LYRM9: variants seen among roughly 807,000 people sequenced by gnomAD.
The protein encoded by LYRM9 is LYR motif-containing protein 9.
A neutral mutation model predicts 12.6 loss-of-function variants in LYRM9; 14 were observed. The observed-to-expected ratio is 1.11, with a 90% CI of 0.73 to 1.73. The LOEUF (loss-of-function observed/expected upper bound fraction) is 1.73. Among genes scored for constraint, LYRM9 ranks in the 40% most tolerant of loss-of-function variants. The pLI, the probability that LYRM9 is intolerant of heterozygous loss-of-function variation, is 0.00. For missense variants in LYRM9, 94 were observed against 95.0 expected, an observed-to-expected ratio of 0.99 and a Z score of 0.04; for synonymous variants, 42 against 35.1, an observed-to-expected ratio of 1.20 and a Z score of -0.69.
chr17:27,879,765 G>T, intron 3 of LYRM9: 1 of 542,544 alleles, frequency 1.8e-6, no homozygotes, highest in Non-Finnish European at 3.3e-6. Flanking sequence ...AGGGAGGTAT[G>T]GTCACACTCC....
chr17:27,882,447 C>G, intron 2 of LYRM9, 122 bp downstream of exon 2: 1 of 1,331,798 alleles, frequency 7.5e-7, no homozygotes, highest in East Asian at 2.6e-5. Context: ...TGTGGCTCTT[C>G]CCACACTGCC....
chr17:27,885,757 C>T (rs971714078), intron 1 of LYRM9, among the ~76,000 whole-genome samples: 2 of 150,744 alleles, frequency 1.3e-5, no homozygotes, highest in African/African-American at 4.9e-5. Context: ...AACCATCTAC[C>T]TGAAGGAAGT....
At chr17:27,881,426 C>T (rs1267703134) in intron 2 of LYRM9, among the ~76,000 whole-genome samples, 2 of 151,022 alleles carry the variant, frequency 1.3e-5, no homozygotes, top group Admixed American at 6.6e-5. Context: ...CTGTGGCTAC[C>T]GCCACCTCTG....
chr17:27,882,662 C>A lies in LYRM9; in HGVS notation c.33G>T (p.Arg11=). The A allele has an allele frequency of 6.2e-7, 1 of 1,604,644 alleles. No homozygotes were observed. The highest frequency in any genetic ancestry group is 8.5e-7 in the Non-Finnish European group (1 of 1,175,876). MAPLPGAELV[R]RPLQLYRYLL... ...AGTATCGGTAGAGCTGCAGTGGCCT[C>A]CGAACCAGTTCTGCTCCTGGCAGCG... Residue 11 remains arginine, a synonymous_variant, in exon 2 of 4, where the codon CGG becomes CGT. Coordinates refer to ENST00000379102, the MANE Select transcript of LYRM9 (RefSeq NM_001076680.3).
intron 1 of LYRM9, among the ~76,000 whole-genome samples, chr17:27,887,711 A>AGGG (rs199628365): frequency 9.9e-5 from 10 of 100,918 alleles, no homozygotes; most frequent in African/African-American, 2.2e-4. Context: ...TATAGGAGGG[A>AGGG]GGGTGTGTGT....
chr17:27,889,514 G>T (rs1905354771), intron 1 of LYRM9, among the ~76,000 whole-genome samples: 1 of 151,954 alleles, frequency 6.6e-6, no homozygotes, highest in Non-Finnish European at 1.5e-5. Flanking sequence ...CGCCATGTCG[G>T]CCAGTCTCAA....
At chr17:27,890,700 G>A (rs200017198) in intron 1 of LYRM9, among the ~76,000 whole-genome samples, 8 of 152,084 alleles carry the variant, frequency 5.3e-5, no homozygotes, top group East Asian at 3.9e-4. Context: ...AAAAAAAGAC[G>A]AAAGAATGGA....
chr17:27,883,908 A>G (rs1905151808), intron 1 of LYRM9, among the ~76,000 whole-genome samples: 1 of 147,896 alleles, frequency 6.8e-6, no homozygotes, highest in African/African-American at 2.5e-5. Flanking sequence ...AATGAACTTC[A>G]TATACTTAAA....
chr17:27,880,118 C>T lies in LYRM9; in HGVS notation c.219+156G>A, dbSNP rs1904995248. ...AATGCAACCAGAAGGGATTTGTCTT[C>T]ACCTTTCAGCTTCTGGAGGAGGGAA... On this transcript the variant is annotated intron_variant, in intron 3 of 3. Transcript: ENST00000379102. 4.2e-6 allele frequency: 3 copies of T among 716,440 alleles called. No individual in the cohort carries two copies. The South Asian group carries it at 4.4e-5, about 11-fold the overall frequency. The allele number at this position is 716,440 out of a possible 1,614,324, so 44.4% of individuals were successfully genotyped here.
chr17:27,880,107 G>A, intron 3 of LYRM9, 167 bp downstream of exon 3: 1 of 709,746 alleles, frequency 1.4e-6, no homozygotes, highest in Non-Finnish European at 2.6e-6. Flanking sequence ...CAACCAGAAG[G>A]GATTTGTCTT....
chr17:27,882,847 G>A, intron 1 of LYRM9, 135 bp from the exon 2 acceptor site: 6 of 996,228 alleles, frequency 6.0e-6, no homozygotes, highest in Admixed American at 2.3e-5. Context: ...CATGGAGCCT[G>A]CACCTTGGGG....
At chr17:27,890,449 AG>A (rs1905398287) in intron 1 of LYRM9, among the ~76,000 whole-genome samples, 1 of 152,242 alleles carries the variant, frequency 6.6e-6, no homozygotes, top group Non-Finnish European at 1.5e-5. Context: ...ACACAGATAA[AG>A]GAAAGGAGCA....
chr17:27,880,518 AGAT>A (rs1905015216), intron 2 of LYRM9, 152 bp from the exon 3 acceptor site: 1 of 613,754 alleles, frequency 1.6e-6, no homozygotes, highest in Non-Finnish European at 2.9e-6. Context: ...TCCCACACAG[AGAT>A]GAGGAAACAG....
chr17:27,882,399 T>C (rs952655162), intron 2 of LYRM9, among the ~76,000 whole-genome samples, 170 bp downstream of exon 2: 15 of 152,198 alleles, frequency 9.9e-5, no homozygotes, highest in African/African-American at 3.6e-4. Context: ...CTCTGTTTCC[T>C]GGACAGAGAG....
intron 1 of LYRM9, chr17:27,892,944 G>A (rs1486710044): frequency 6.5e-6 from 1 of 152,726 alleles, no homozygotes; most frequent in African/African-American, 2.4e-5. Context: ...CGGGTGCCGC[G>A]GGCAGAGGGA....
At position 27,886,835 on chromosome 17, in the gene LYRM9, G is replaced by A. The variant is rs549361016; in HGVS notation, c.-18-4123C>T. On this transcript the variant is annotated intron_variant, in intron 1 of 3. Transcript: ENST00000379102. This position sits in a 1 kb window ranked among gnomAD's most constrained non-coding sequence, Gnocchi z 4.8. Reference sequence around the variant, plus strand: ...TAATTTTCGTATTTTTAGTAGAGATGGGGTTTCTCCCTGTTGGTCAGGCTG... The same window carrying A: ...TAATTTTCGTATTTTTAGTAGAGATAGGGTTTCTCCCTGTTGGTCAGGCTG... Among the ~76,000 whole-genome samples the A allele has an allele frequency of 6.6e-6, 1 of 151,912 alleles. No individual in the cohort carries two copies. Among genetic ancestry groups the A allele is most frequent in the Admixed American group, 6.6e-5 (1 of 15,238 alleles).
chr17:27,888,369 GTATCCA>G (rs1905306266), intron 1 of LYRM9, among the ~76,000 whole-genome samples: 2 of 152,290 alleles, frequency 1.3e-5, no homozygotes, highest in South Asian at 4.1e-4. Flanking sequence ...TGCTGGAAGG[GTATCCA>G]CCTGCCCTCA....
At chr17:27,888,841 C>T (rs958432420) in intron 1 of LYRM9, among the ~76,000 whole-genome samples, 2 of 152,186 alleles carry the variant, frequency 1.3e-5, no homozygotes, top group African/African-American at 2.4e-5. Context: ...CCCCCATTTT[C>T]GCTCTGCTCA....
intron 2 of LYRM9, 58 bp downstream of exon 2, chr17:27,882,511 T>C (rs1905093472): frequency 6.7e-7 from 1 of 1,483,284 alleles, no homozygotes; most frequent in South Asian, 1.4e-5. Flanking sequence ...GCCTCTGACC[T>C]GCGCCCCTAA....
Sources: gnomAD v4.1 joint callset for allele counts (sites outside exome capture counted in the v4.1 genomes callset) on GRCh38, gnomAD v4.1.1 for gene constraint, Gnocchi (gnomAD v3.1) non-coding constraint, MANE v1.5 for transcripts, NCBI Gene and HGNC (gene_info 2026-07-23, HGNC 2026-07-21) for gene names.